The following ROCK1 variants were observed in gnomAD, a reference collection of about 807,000 sequenced individuals.
ROCK1 encodes Rho associated coiled-coil containing protein kinase 1, also known as rho-associated protein kinase 1.
In ROCK1, 36 loss-of-function variants were observed where a neutral mutation model predicts 196.8. The ratio of observed to expected loss-of-function variants is 0.18; its 90% confidence interval spans 0.14 to 0.24. ROCK1 has a LOEUF of 0.24. ROCK1 is among the 10% of genes least tolerant of loss of function. ROCK1 has a pLI of 1.00. For missense variants in ROCK1, 920 were observed against 1,562.0 expected (o/e 0.59, Z 6.93); for synonymous variants, 443 against 515.9 (o/e 0.86, Z 1.91).
At chr18:21,004,414 T>C (rs2035751840) in intron 16 of ROCK1, among the ~76,000 whole-genome samples, 1 of 152,220 alleles carries the variant, frequency 6.6e-6, no homozygotes, top group South Asian at 2.1e-4. Flanking sequence ...CACTTTTATA[T>C]GTATGTTGAA....
chr18:21,068,459 CT>C (rs1195104852), intron 2 of ROCK1, among the ~76,000 whole-genome samples: 3 of 152,238 alleles, frequency 2.0e-5, no homozygotes, highest in African/African-American at 7.2e-5. Context: ...GTTCCAGGTC[CT>C]TTACATTTCC....
intron 23 of ROCK1, 188 bp from the exon 24 acceptor site, chr18:20,969,396 AATT>A (rs2035405150): frequency 2.1e-6 from 1 of 475,138 alleles, no homozygotes; most frequent in Admixed American, 3.9e-5. Flanking sequence ...AGCATCCAAA[AATT>A]ATTTCATTGT....
At position 20,952,383 on chromosome 18, in the gene ROCK1, A is replaced by AAATGAATGAATGAATG. The variant is rs4007700; in HGVS notation, c.4062-1012_4062-997dup. ...GGTGACAGAGCGAGACTCTGTCTCA[A>AAATGAATGAATGAATG]AATGAATGAATGAATGAATGAATGA... On this transcript the variant is annotated intron_variant, in intron 32 of 32. Coordinates refer to ENST00000399799, the MANE Select transcript of ROCK1 (RefSeq NM_005406.3). Among the ~76,000 whole-genome samples the AAATGAATGAATGAATG allele has an allele frequency of 2.9e-3, 435 of 147,578 alleles. 2 individuals are homozygous for AAATGAATGAATGAATG. The highest frequency in any genetic ancestry group is 8.4e-3 in the African/African-American group (339 of 40,150).
intron 9 of ROCK1, among the ~76,000 whole-genome samples, chr18:21,038,249 AT>A (rs1029507550): frequency 6.6e-6 from 1 of 152,166 alleles, no homozygotes; most frequent in African/African-American, 2.4e-5. Context: ...ATTATGTCAC[AT>A]TTAATTCTGA....
chr18:21,019,273 C>G (rs1423304042), intron 12 of ROCK1, among the ~76,000 whole-genome samples: 1 of 152,090 alleles, frequency 6.6e-6, no homozygotes, highest in Non-Finnish European at 1.5e-5. Context: ...CATGCCTCAG[C>G]CTCCCAAGCA....
At chr18:21,013,481 G>A (rs2143449693) in intron 13 of ROCK1, among the ~76,000 whole-genome samples, 1 of 152,318 alleles carries the variant, frequency 6.6e-6, no homozygotes, top group Admixed American at 6.5e-5. Flanking sequence ...AGGGGAGCTT[G>A]TTATTTTCAG....
chr18:21,078,221 T>TG (rs1428032073), intron 1 of ROCK1, among the ~76,000 whole-genome samples: 5 of 151,820 alleles, frequency 3.3e-5, no homozygotes, highest in Admixed American at 3.3e-4. Context: ...CCCAACCGTT[T>TG]GGGGGGCTAG....
chr18:21,072,374 T>C (rs1342017953), intron 1 of ROCK1, among the ~76,000 whole-genome samples: 1 of 152,172 alleles, frequency 6.6e-6, no homozygotes, highest in African/African-American at 2.4e-5. Flanking sequence ...TCTTCTAACT[T>C]AACCAAAGCA....
In ROCK1 at chr18:21,012,098, C is replaced by T. The variant is rs189602998; in HGVS notation, c.1410+3333G>A. Among the ~76,000 whole-genome samples the T allele has an allele frequency of 2.1e-4, 32 of 152,258 alleles. No individual in the cohort carries two copies. The East Asian group carries it at 6.0e-3, about 29-fold the overall frequency. On this transcript the variant is annotated intron_variant, in intron 13 of 32. Coordinates refer to ENST00000399799, the MANE Select transcript of ROCK1 (RefSeq NM_005406.3). ...GAGTAGCTAGGATTACAAGTACACG[C>T]TACCACACTTGGCTAATTTTTTTTG... is the stretch of plus-strand genomic sequence containing the variant.
At chr18:21,031,624 AAG>A (rs1258767898) in intron 9 of ROCK1, among the ~76,000 whole-genome samples, 174 of 148,376 alleles carry the variant, frequency 1.2e-3, no homozygotes, top group African/African-American at 4.1e-3. Flanking sequence ...AAAAAAAAAA[AAG>A]AAAATAATAT....
chr18:20,992,472 A>G (rs1391177969), intron 17 of ROCK1, among the ~76,000 whole-genome samples: 2 of 152,316 alleles, frequency 1.3e-5, no homozygotes, highest in African/African-American at 4.8e-5. Context: ...ATCATCTACC[A>G]CGTACTGATC....
At chr18:20,982,169 C>A (rs1355962642) in intron 21 of ROCK1, among the ~76,000 whole-genome samples, 2 of 152,194 alleles carry the variant, frequency 1.3e-5, no homozygotes, top group Non-Finnish European at 2.9e-5. Context: ...TGGGATGCTA[C>A]CGATCACTTT....
At position 20,960,161 on chromosome 18, in the gene ROCK1, A is replaced by T. The variant is rs2035313318; in HGVS notation, c.3398T>A (p.Ile1133Asn). The change falls in exon 28 of 33, where the codon ATC becomes AAC. Residue 1133 changes from isoleucine (I) to asparagine (N), a missense_variant. Ile to Asn is a moderately radical substitution (Grantham distance 149). This residue lies in a region of ROCK1 where 116 missense variants were observed against 204.2 expected (regional missense o/e 0.57). Transcript: ENST00000399799. ...CTGTTTCTTCCAGCCATATCGTTTG[A>T]TATTTCCTCTATTTGGTACTGAAAG... ...GWLSVPNRGNIKRYGWKKQYV... is the reference protein window; with the variant it reads ...GWLSVPNRGNNKRYGWKKQYV... 1 of 1,600,880 alleles carries T rather than the reference A, an allele frequency of 6.2e-7. No homozygotes were observed.
chr18:21,042,077 T>G lies in ROCK1; in HGVS notation c.959+20A>C. 6.3e-7 allele frequency: 1 copy of G among 1,594,434 alleles called. No homozygotes were observed. The highest frequency in any genetic ancestry group is 1.7e-4 in the Middle Eastern group (1 of 6,008). ...AGAAGTCCTCAGAATTAATACAGGCTCAGTTTTAAAATTATTTACCTGTCA... is the reference window on the plus strand; with the variant it reads ...AGAAGTCCTCAGAATTAATACAGGCGCAGTTTTAAAATTATTTACCTGTCA... On this transcript the variant is annotated intron_variant, in intron 8 of 32. Transcript: ENST00000399799.
chr18:20,984,332 T>A lies in ROCK1; in HGVS notation c.2489+19A>T. 1 of 1,554,882 alleles carries A rather than the reference T, an allele frequency of 6.4e-7. No individual in the cohort carries two copies. Among genetic ancestry groups the A allele is most frequent in the Non-Finnish European group, 8.8e-7 (1 of 1,139,226 alleles). The stretch of plus-strand genomic sequence containing the variant: ...AACACAAAAAAGAAAGAAATCACAA[T>A]GTTATTTTAAAGACTTACTTCGTAA... On this transcript the variant is annotated intron_variant, in intron 20 of 32. Coordinates refer to ENST00000399799, the MANE Select transcript of ROCK1 (RefSeq NM_005406.3).
chr18:21,086,036 AAGTATCTAATTTG>A (rs2143577362), intron 1 of ROCK1, among the ~76,000 whole-genome samples: 1 of 152,204 alleles, frequency 6.6e-6, no homozygotes, highest in African/African-American at 2.4e-5. Context: ...CGATTCTTTT[AAGTATCTAATTTG>A]TTATTTTGGG....
rs576004636 is a variant in ROCK1, at chr18:20,966,153, A to G, written c.3352+764T>C. Among the ~76,000 whole-genome samples, 3 of 152,316 alleles carry G rather than the reference A, an allele frequency of 2.0e-5. No individual in the cohort carries two copies. In the South Asian group the frequency reaches 6.2e-4, roughly 32 times the overall value. ...AAGACTCTGAACTAAGACTCTGTGT[A>G]TATGTAAATGCATGTTTTAATAATG... On this transcript the variant is annotated intron_variant, in intron 27 of 32. Coordinates refer to ENST00000399799, the MANE Select transcript of ROCK1 (RefSeq NM_005406.3).
At chr18:20,982,620 AC>A in intron 21 of ROCK1, 142 bp downstream of exon 21, 1 of 522,972 alleles carries the variant, frequency 1.9e-6, no homozygotes. Flanking sequence ...AAATGGACAA[AC>A]AAAAAGCAGA....
At chr18:20,998,029 G>C (rs1159406351) in intron 16 of ROCK1, among the ~76,000 whole-genome samples, 1 of 151,910 alleles carries the variant, frequency 6.6e-6, no homozygotes, top group Non-Finnish European at 1.5e-5. Flanking sequence ...TAGAGACAGG[G>C]TTTCACCATG....
Sources: gnomAD v4.1 joint callset for allele counts (sites outside exome capture counted in the v4.1 genomes callset) on GRCh38, gnomAD v4.1.1 for gene constraint, gnomAD v4.1.1 regional missense constraint, MANE v1.5 for transcripts, NCBI Gene and HGNC (gene_info 2026-07-23, HGNC 2026-07-21) for gene names.